FYCO1: variants seen among roughly 807,000 people sequenced by gnomAD.
The protein encoded by FYCO1 is FYVE and coiled-coil domain-containing protein 1.
Under a neutral mutation model 165.1 loss-of-function variants are expected in FYCO1, and 122 were observed. That is an observed-to-expected ratio of 0.74 (90% CI 0.64 to 0.86). The LOEUF is 0.86. Among genes scored for constraint, FYCO1 ranks in the 40% least tolerant of loss-of-function variants. The pLI is 0.00. For missense variants in FYCO1, 1,702 were observed against 1,810.3 expected (o/e 0.94, Z 1.09); for synonymous variants, 648 against 742.5 (o/e 0.87, Z 2.07).
chr3:45,977,564 A>G, intron 4 of FYCO1, among the ~76,000 whole-genome samples: 1 of 151,614 alleles, frequency 6.6e-6, no homozygotes, highest in African/African-American at 2.4e-5. Context: ...TCTAATCAGA[A>G]CCCACATACA....
At position 45,967,583 on chromosome 3, in the gene FYCO1, G is replaced by A; in HGVS notation, c.1751C>T (p.Ala584Val). 1 of 1,614,042 alleles carries A rather than the reference G, an allele frequency of 6.2e-7. No homozygotes were observed. The change falls in exon 8 of 18, where the codon GCC becomes GTC. Residue 584 changes from alanine (A) to valine (V), a missense_variant. Transcript: ENST00000296137. ...CTGCTCCTCCTCTGGCTTCCCCCAGGCCTCTTGCAGACTGGAGTTCACAGG... is the reference window on the plus strand; with the variant it reads ...CTGCTCCTCCTCTGGCTTCCCCCAGACCTCTTGCAGACTGGAGTTCACAGG... ...LVPVNSSLQE[A>V]WGKPEEEQRG...
chr3:45,948,588 A>G (rs971158724), intron 14 of FYCO1, among the ~76,000 whole-genome samples: 7 of 152,242 alleles, frequency 4.6e-5, no homozygotes, highest in South Asian at 4.1e-4. Context: ...AGGATGAGGC[A>G]TAGTTTTAAA....
chr3:45,946,716 G>T (rs1704634703), intron 14 of FYCO1: 1 of 1,614,098 alleles, frequency 6.2e-7, no homozygotes, highest in Admixed American at 1.7e-5. Flanking sequence ...GGCTGACCTG[G>T]TGTTTGTCTG....
chr3:45,959,311 A>T, intron 12 of FYCO1, 82 bp downstream of exon 12: 1 of 1,480,446 alleles, frequency 6.8e-7, no homozygotes, highest in South Asian at 1.1e-5. Context: ...AACACCTATC[A>T]CAGAGTCCTC....
chr3:45,995,522 C>T (rs1021365704), intron 1 of FYCO1, among the ~76,000 whole-genome samples, 200 bp downstream of exon 1: 3 of 152,354 alleles, frequency 2.0e-5, no homozygotes, highest in Middle Eastern at 3.4e-3. Flanking sequence ...GTGCCTGGGC[C>T]GGCTTCCACC....
chr3:45,954,410 G>A (rs942560169), intron 14 of FYCO1, among the ~76,000 whole-genome samples: 7 of 152,126 alleles, frequency 4.6e-5, no homozygotes, highest in African/African-American at 1.7e-4. Flanking sequence ...GTGGTCCCTA[G>A]GGCATGCTTC....
At chr3:45,987,581 T>G in intron 1 of FYCO1, among the ~76,000 whole-genome samples, 1 of 151,552 alleles carries the variant, frequency 6.6e-6, no homozygotes, top group East Asian at 1.9e-4. Context: ...TTTCTCTAAC[T>G]GCATTCCTCT....
intron 13 of FYCO1, 78 bp downstream of exon 13, chr3:45,958,330 C>T (rs181202210): frequency 1.6e-6 from 2 of 1,289,644 alleles, no homozygotes; most frequent in East Asian, 2.4e-5. Flanking sequence ...AGCTTATTAG[C>T]ACTAACTAGC....
intron 14 of FYCO1, chr3:45,938,261 T>C: frequency 3.1e-6 from 4 of 1,288,262 alleles, no homozygotes; most frequent in Non-Finnish European, 4.0e-6. Context: ...ACGCCCTGCA[T>C]GAGTGAGGTA....
At chr3:45,994,052 C>A (rs952355666) in intron 1 of FYCO1, among the ~76,000 whole-genome samples, 1 of 152,108 alleles carries the variant, frequency 6.6e-6, no homozygotes, top group Non-Finnish European at 1.5e-5. Flanking sequence ...TGATTCCTCT[C>A]ATCACAAACA....
chr3:45,987,360 A>G (rs1007059602), intron 1 of FYCO1, among the ~76,000 whole-genome samples: 4 of 151,998 alleles, frequency 2.6e-5, no homozygotes, highest in South Asian at 2.1e-4. Flanking sequence ...TCATATAACT[A>G]TAAGTTATAT....
intron 14 of FYCO1, chr3:45,946,728 A>T: frequency 6.2e-7 from 1 of 1,613,984 alleles, no homozygotes; most frequent in South Asian, 1.1e-5. Flanking sequence ...GTTTGTCTGC[A>T]CTCTGCCCTT....
chr3:45,942,405 G>C (rs115192433), intron 14 of FYCO1, among the ~76,000 whole-genome samples: 3 of 152,216 alleles, frequency 2.0e-5, no homozygotes, highest in Non-Finnish European at 4.4e-5. Flanking sequence ...CCTGGTCCCT[G>C]CTCCCAATGC....
At chr3:45,936,380 C>T (rs1703889010) in intron 15 of FYCO1, 68 bp downstream of exon 15, 1 of 1,054,328 alleles carries the variant, frequency 9.5e-7, no homozygotes, top group Middle Eastern at 2.2e-4. Context: ...CCAGCGCCGG[C>T]ACTGGAGAGG....
At chr3:45,924,296 C>A (rs1478500076) in intron 16 of FYCO1, among the ~76,000 whole-genome samples, 6 of 152,230 alleles carry the variant, frequency 3.9e-5, no homozygotes, top group Admixed American at 1.3e-4. Context: ...CCATGTGCCC[C>A]AGGACCCTTT....
In FYCO1 at chr3:45,968,627, C is replaced by A; in HGVS notation, c.707G>T (p.Arg236Leu). ...CACCTCCAACTGGTCCAGCTCTAGT[C>A]GCATCTCATCAAAGCCCTCCAATGC... ...NEALEGFDEMRLELDQLEVRE... is the reference protein window; with the variant it reads ...NEALEGFDEMLLELDQLEVRE... The change falls in exon 8 of 18, where the codon CGA becomes CTA. Residue 236 changes from arginine (R) to leucine (L), a missense_variant. Arg to Leu is a moderately radical substitution (Grantham distance 102). Transcript: ENST00000296137. 6.2e-7 allele frequency: 1 copy of A among 1,614,148 alleles called. No homozygotes were observed. Among genetic ancestry groups the A allele is most frequent in the South Asian group, 1.1e-5 (1 of 91,078 alleles).
At chr3:45,994,218 C>CAAAAAAAAAAAA (rs11328676) in intron 1 of FYCO1, among the ~76,000 whole-genome samples, 1 of 136,910 alleles carries the variant, frequency 7.3e-6, no homozygotes, top group African/African-American at 2.9e-5. Flanking sequence ...AAAGTAACTG[C>CAAAAAAAAAAAA]AAAAAAAAAA....
Position 45,967,105 on chromosome 3 carries a change from C to A in FYCO1, c.2229G>T (p.Leu743=). 1 of 1,614,044 alleles carries A rather than the reference C, an allele frequency of 6.2e-7. No individual in the cohort carries two copies. The highest frequency in any genetic ancestry group is 1.1e-5 in the South Asian group (1 of 91,082). The change falls in exon 8 of 18, where the codon CTG becomes CTT. Residue 743 remains leucine (L), a synonymous_variant. Transcript: ENST00000296137. Reference sequence around the variant, plus strand: ...CTTTCTCTGCTGTGAGGACCTCAATCAGCTGGGTCTGCTGCTGGCACTGGC... The same window carrying A: ...CTTTCTCTGCTGTGAGGACCTCAATAAGCTGGGTCTGCTGCTGGCACTGGC... The part of the protein sequence containing the change: ...LESQCQQQTQ[L]IEVLTAEKGQ...
rs994124158 is a variant in FYCO1 at position 45,947,792 on chromosome 3, T to C, written c.3944+7457A>G. ...CAAGGGGGATGACATGTGACTCCTATGATCTCAGGTTCTCCTTGATTGGGA... is the reference window on the plus strand; with the variant it reads ...CAAGGGGGATGACATGTGACTCCTACGATCTCAGGTTCTCCTTGATTGGGA... On this transcript the variant is annotated intron_variant, in intron 14 of 17. Coordinates refer to ENST00000296137, the MANE Select transcript of FYCO1 (RefSeq NM_024513.4). 1.4e-5 allele frequency: 6 copies of C among 418,958 alleles called. No homozygotes were observed. The Admixed American group carries it at 2.4e-4, about 17-fold the overall frequency. 26.0% of individuals were successfully genotyped at this position (418,958 alleles called of 1,614,324 possible).
Sources: allele counts gnomAD v4.1 joint callset (sites outside exome capture counted in the v4.1 genomes callset), GRCh38; gene constraint gnomAD v4.1.1; transcripts MANE v1.5; gene names NCBI Gene and HGNC (gene_info 2026-07-23, HGNC 2026-07-21).